Variants in MAP2K4 observed in about 807,000 individuals in gnomAD.
The protein encoded by MAP2K4 is mitogen-activated protein kinase kinase 4.
In MAP2K4, 4 loss-of-function variants were observed where a neutral mutation model predicts 48.5. The ratio of observed to expected loss-of-function variants is 0.08; its 90% CI spans 0.04 to 0.19. The LOEUF (loss-of-function observed/expected upper bound fraction) is 0.19, where lower values mean the gene tolerates loss of function less well. Among genes scored for constraint, MAP2K4 ranks in the 10% least tolerant of loss-of-function variants. The pLI, the probability that MAP2K4 is intolerant of heterozygous loss-of-function variation, is 1.00. For missense variants in MAP2K4, 258 were observed against 493.3 expected, an observed-to-expected ratio of 0.52 and a Z score of 4.52; for synonymous variants, 166 against 173.1, an observed-to-expected ratio of 0.96 and a Z score of 0.32.
chr17:12,071,075 T>C (rs999058036), intron 2 of MAP2K4, among the ~76,000 whole-genome samples: 2 of 152,248 alleles, frequency 1.3e-5, no homozygotes, highest in African/African-American at 2.4e-5. Flanking sequence ...CTTCCCTGTG[T>C]CTGTCTTGTG....
At position 12,103,697 on chromosome 17, in the gene MAP2K4, T is replaced by C. The variant is rs186788892; in HGVS notation, c.514-4093T>C. On this transcript the variant is annotated intron_variant, in intron 4 of 10. Coordinates refer to ENST00000353533, the MANE Select transcript of MAP2K4 (RefSeq NM_003010.4). ...GTTTAGGTCATCCATATGTGCATTT[T>C]CCCCTACATTTTACATAATATCGCT... Among the ~76,000 whole-genome samples the C allele has an allele frequency of 2.3e-3, 347 of 152,260 alleles. 1 individual carries two copies. The highest frequency in any genetic ancestry group is 7.9e-3 in the African/African-American group (328 of 41,576).
chr17:12,120,942 C>T (rs1972668157), intron 7 of MAP2K4, among the ~76,000 whole-genome samples: 1 of 152,172 alleles, frequency 6.6e-6, no homozygotes, highest in Non-Finnish European at 1.5e-5. Flanking sequence ...CTGCTTAGTT[C>T]CCCAGAACTC....
intron 7 of MAP2K4, among the ~76,000 whole-genome samples, chr17:12,116,284 A>G (rs1386156166): frequency 6.6e-6 from 1 of 152,230 alleles, no homozygotes; most frequent in East Asian, 1.9e-4. Context: ...GGTATAAGGC[A>G]CTAATCATGA....
At chr17:12,092,635 T>C (rs1971598556) in intron 3 of MAP2K4, among the ~76,000 whole-genome samples, 1 of 152,260 alleles carries the variant, frequency 6.6e-6, no homozygotes, top group African/African-American at 2.4e-5. Context: ...GTGTTTGTAG[T>C]TGATCCCCTT....
intron 2 of MAP2K4, among the ~76,000 whole-genome samples, chr17:12,056,307 A>G (rs1253386378): frequency 1.3e-5 from 2 of 149,340 alleles, no homozygotes; most frequent in Non-Finnish European, 3.0e-5. Context: ...AAAACTGGAA[A>G]AACATTCATC....
intron 3 of MAP2K4, among the ~76,000 whole-genome samples, chr17:12,086,551 A>G (rs1050561191): frequency 6.6e-6 from 1 of 152,166 alleles, no homozygotes; most frequent in Non-Finnish European, 1.5e-5. Context: ...AACAGCCAAA[A>G]TCAGTACTGT....
At chr17:12,122,305 T>C (rs535689273) in intron 7 of MAP2K4, among the ~76,000 whole-genome samples, 1 of 152,346 alleles carries the variant, frequency 6.6e-6, no homozygotes, top group African/African-American at 2.4e-5. Flanking sequence ...CTCGTCCCCC[T>C]GCTGCCTGCT....
chr17:12,120,814 A>C (rs1972664074), intron 7 of MAP2K4, among the ~76,000 whole-genome samples: 2 of 152,200 alleles, frequency 1.3e-5, no homozygotes, highest in Admixed American at 6.5e-5. Context: ...AATAAAATAC[A>C]GTGTACAATA....
intron 8 of MAP2K4, among the ~76,000 whole-genome samples, chr17:12,126,637 C>T (rs1212348395): frequency 1.3e-5 from 2 of 152,212 alleles, no homozygotes; most frequent in Admixed American, 1.3e-4. Context: ...CCCATCACTT[C>T]CCAAAGATCC....
rs961970355 is a variant in MAP2K4 at position 12,107,551 on chromosome 17, G to A, written c.514-239G>A. The stretch of plus-strand genomic sequence containing the variant: ...GAAAGCACAGAAGTTTTCTGTGTAA[G>A]CCTGTCCCTGTCCATACAATTAAAG... On this transcript the variant is annotated intron_variant, in intron 4 of 10. Coordinates refer to ENST00000353533, the MANE Select transcript of MAP2K4 (RefSeq NM_003010.4). Among the ~76,000 whole-genome samples the A allele has an allele frequency of 7.9e-5, 12 of 151,770 alleles. No homozygotes were observed. The South Asian group carries it at 8.3e-4, about 10-fold the overall frequency.
At chr17:12,139,061 G>C (rs1321802371) in intron 9 of MAP2K4, among the ~76,000 whole-genome samples, 1 of 152,154 alleles carries the variant, frequency 6.6e-6, no homozygotes, top group East Asian at 1.9e-4. Flanking sequence ...GTTACAGAAG[G>C]TGTGGGATAT....
rs193202477 is a variant in MAP2K4 at position 12,057,071 on chromosome 17, A to T, written c.218+2080A>T. 7.9e-5 allele frequency among the ~76,000 whole-genome samples: 12 copies of T among 152,256 alleles called. No homozygotes were observed. In the East Asian group the frequency reaches 9.7e-4, roughly 12 times the overall value. The stretch of plus-strand genomic sequence containing the variant: ...CTCCTTGGCATTTGATGTCTCCTGG[A>T]TGCAGGATCCTTTGCAAGATTAAAA... On this transcript the variant is annotated intron_variant, in intron 2 of 10. Coordinates refer to ENST00000353533, the MANE Select transcript of MAP2K4 (RefSeq NM_003010.4).
At chr17:12,085,955 G>T (rs981039820) in intron 3 of MAP2K4, among the ~76,000 whole-genome samples, 4 of 152,172 alleles carry the variant, frequency 2.6e-5, no homozygotes, top group African/African-American at 7.2e-5. Context: ...AATTATTTCA[G>T]TGGGGATTAT....
intron 3 of MAP2K4, among the ~76,000 whole-genome samples, chr17:12,094,967 G>A (rs375494133): frequency 3.9e-5 from 6 of 152,146 alleles, no homozygotes; most frequent in African/African-American, 1.2e-4. Context: ...TGTTTTTAAT[G>A]TATAGAAAGT....
At chr17:12,061,100 C>T (rs1970437584) in intron 2 of MAP2K4, among the ~76,000 whole-genome samples, 1 of 152,144 alleles carries the variant, frequency 6.6e-6, no homozygotes, top group Non-Finnish European at 1.5e-5. Context: ...TTATCTCATT[C>T]AAAATAATGT....
chr17:12,083,630 G>A (rs1971266262), intron 3 of MAP2K4, among the ~76,000 whole-genome samples: 1 of 152,240 alleles, frequency 6.6e-6, no homozygotes, highest in South Asian at 2.1e-4. Flanking sequence ...AATACTGGAA[G>A]AATAAGTGTT....
chr17:12,121,201 G>A (rs886561892), intron 7 of MAP2K4, among the ~76,000 whole-genome samples: 4 of 151,946 alleles, frequency 2.6e-5, no homozygotes, highest in African/African-American at 9.7e-5. Flanking sequence ...TTACCTTCAG[G>A]CTATGTATAT....
intron 2 of MAP2K4, among the ~76,000 whole-genome samples, chr17:12,060,728 G>GTGTGTGTGTGT (rs1555544718): frequency 6.7e-6 from 1 of 150,252 alleles, no homozygotes; most frequent in East Asian, 2.0e-4. Flanking sequence ...AATACTATGG[G>GTGTGTGTGTGT]GTGTGTGTGT....
chr17:12,120,930 T>C (rs1361217263), intron 7 of MAP2K4, among the ~76,000 whole-genome samples: 1 of 152,252 alleles, frequency 6.6e-6, no homozygotes, highest in East Asian at 1.9e-4. Flanking sequence ...GATGCTACTG[T>C]GCTGCTTAGT....
Sources: gnomAD v4.1 joint callset for allele counts (sites outside exome capture counted in the v4.1 genomes callset) on GRCh38, gnomAD v4.1.1 for gene constraint, MANE v1.5 for transcripts, NCBI Gene and HGNC (gene_info 2026-07-23, HGNC 2026-07-21) for gene names.